RBM38: variants seen among roughly 807,000 people sequenced by gnomAD.
RBM38 encodes RNA binding motif protein 38, also known as RNA-binding protein 38.
Under a neutral mutation model 23.5 loss-of-function variants are expected in RBM38, and 11 were observed. The ratio of observed to expected loss-of-function variants is 0.47; its 90% CI spans 0.29 to 0.77. The LOEUF (loss-of-function observed/expected upper bound fraction) is 0.77, where lower values mean the gene tolerates loss of function less well. Among genes scored for constraint, RBM38 ranks in the 30% least tolerant of loss-of-function variants. The pLI is 0.08. For synonymous variants in RBM38, 165 were observed against 166.1 expected, an observed-to-expected ratio of 0.99 and a Z score of 0.05; for missense variants, 330 against 351.9, an observed-to-expected ratio of 0.94 and a Z score of 0.50.
rs896793944 is a variant in RBM38 at position 57,405,596 on chromosome 20, C to A, written c.417-1947C>A. On this transcript the variant is annotated intron_variant, in intron 3 of 3. Coordinates refer to ENST00000356208, the MANE Select transcript of RBM38 (RefSeq NM_017495.6). ...AGAGGGTGACGCAGTGTAGAAACTT[C>A]CCACACACTTCCCAGATGGGGTGGG... Among the ~76,000 whole-genome samples the A allele has an allele frequency of 2.0e-5, 3 of 152,222 alleles. No individual in the cohort carries two copies. In the South Asian group the frequency reaches 6.2e-4, roughly 31 times the overall value.
chr20:57,407,981 C>T lies in RBM38; in HGVS notation c.*135C>T, dbSNP rs771187245. The T allele has an allele frequency of 5.4e-6, 6 of 1,102,162 alleles. No homozygotes were observed. The highest frequency in any genetic ancestry group is 2.6e-5 in the East Asian group (1 of 38,526). The allele number at this position is 1,102,162 out of a possible 1,614,324, so 68.3% of individuals were successfully genotyped here. ...AGCACCCGTGCCTCCGAAGACCGCT[C>T]GGGCATTCCGCCTGCGCCCTGGGAC... On this transcript the variant is annotated 3_prime_UTR_variant, in exon 4 of 4. Transcript: ENST00000356208. This position sits in a 1 kb window ranked among gnomAD's most constrained non-coding sequence, Gnocchi z 4.0.
chr20:57,405,330 C>G (rs1490532727), intron 3 of RBM38, among the ~76,000 whole-genome samples: 1 of 152,222 alleles, frequency 6.6e-6, no homozygotes, highest in Non-Finnish European at 1.5e-5. Context: ...CGTCACAGCT[C>G]GAGAGTCAGA....
intron 3 of RBM38, among the ~76,000 whole-genome samples, chr20:57,404,372 C>T (rs1464322401): frequency 6.6e-6 from 1 of 152,278 alleles, no homozygotes; most frequent in Non-Finnish European, 1.5e-5. Flanking sequence ...ATGTCTGAGG[C>T]AGGGGCATCA....
At chr20:57,405,042 C>T (rs1284535248) in intron 3 of RBM38, among the ~76,000 whole-genome samples, 2 of 152,224 alleles carry the variant, frequency 1.3e-5, no homozygotes, top group African/African-American at 4.8e-5. Flanking sequence ...CTGGCGCCTG[C>T]CTCCGCCCTT....
chr20:57,393,110 C>A, intron 2 of RBM38, 169 bp from the exon 3 acceptor site: 1 of 714,726 alleles, frequency 1.4e-6, no homozygotes, highest in Non-Finnish European at 2.4e-6. Flanking sequence ...TGCCACACTT[C>A]AGCGGTGTGC....
chr20:57,393,947 C>T (rs1218623483), intron 3 of RBM38, among the ~76,000 whole-genome samples: 2 of 152,058 alleles, frequency 1.3e-5, no homozygotes, highest in Admixed American at 6.6e-5. Flanking sequence ...CCTCCCTGCC[C>T]TTTTTTAAAA....
At chr20:57,399,387 C>G (rs1016912629) in intron 3 of RBM38, among the ~76,000 whole-genome samples, 1 of 152,150 alleles carries the variant, frequency 6.6e-6, no homozygotes, top group African/African-American at 2.4e-5. Flanking sequence ...CCCAGTAATC[C>G]AGGCATGAGA....
At chr20:57,401,350 G>C (rs900492934) in intron 3 of RBM38, among the ~76,000 whole-genome samples, 1 of 152,212 alleles carries the variant, frequency 6.6e-6, no homozygotes, top group Non-Finnish European at 1.5e-5. Flanking sequence ...GGCTGTGCCT[G>C]TCTAGCTGTG....
intron 3 of RBM38, among the ~76,000 whole-genome samples, chr20:57,401,985 G>T (rs1349542131): frequency 6.6e-6 from 1 of 152,158 alleles, no homozygotes; most frequent in Non-Finnish European, 1.5e-5. Flanking sequence ...GTCTCGCTCT[G>T]TCTCCAGGCT....
chr20:57,397,997 A>C (rs1432589811), intron 3 of RBM38, among the ~76,000 whole-genome samples: 1 of 152,110 alleles, frequency 6.6e-6, no homozygotes, highest in Admixed American at 6.5e-5. Context: ...ACTACACATG[A>C]CATGTAAGAA....
chr20:57,401,585 C>T (rs532809874), intron 3 of RBM38, among the ~76,000 whole-genome samples: 1 of 152,350 alleles, frequency 6.6e-6, no homozygotes, highest in East Asian at 1.9e-4. Flanking sequence ...TGGGACGCAG[C>T]AGCTGAGACC....
chr20:57,395,160 T>G (rs766942436), intron 3 of RBM38, among the ~76,000 whole-genome samples: 2 of 152,202 alleles, frequency 1.3e-5, no homozygotes, highest in Non-Finnish European at 2.9e-5. Context: ...AGGATGGGAC[T>G]GAAACCATTC....
intron 3 of RBM38, among the ~76,000 whole-genome samples, chr20:57,405,614 G>A (rs754869591): frequency 6.6e-6 from 1 of 152,224 alleles, no homozygotes; most frequent in African/African-American, 2.4e-5. Flanking sequence ...CTTCCCAGAT[G>A]GGGTGGGGGG....
intron 3 of RBM38, among the ~76,000 whole-genome samples, chr20:57,405,098 G>A (rs2067368123): frequency 6.6e-6 from 1 of 152,208 alleles, no homozygotes; most frequent in African/African-American, 2.4e-5. Context: ...CTCATCATTA[G>A]GTCTCTGCAG....
intron 1 of RBM38, chr20:57,392,140 G>A: frequency 4.1e-6 from 1 of 244,226 alleles, no homozygotes; most frequent in East Asian, 1.5e-4. Flanking sequence ...TCCTGGAGCA[G>A]CGGGGGGTGA....
Position 57,392,713 on chromosome 20 carries a change from C to T in RBM38, c.297C>T (p.Ile99=), listed in dbSNP as rs2067233108. The T allele has an allele frequency of 1.2e-6, 2 of 1,612,818 alleles. No homozygotes were observed. The highest frequency in any genetic ancestry group is 2.7e-5 in the African/African-American group (2 of 74,960). The stretch of plus-strand genomic sequence containing the variant: ...CTTGCAAAGACCCGAACCCCATCAT[C>T]GACGGCCGCAAGGCCAACGTGAACC... ...ERACKDPNPI[I]DGRKANVNLA... is the part of the protein sequence containing the mutation. The change falls in exon 2 of 4, where the codon ATC becomes ATT. Residue 99 remains isoleucine, a synonymous_variant. Transcript: ENST00000356208.
chr20:57,397,460 C>T (rs180831561), intron 3 of RBM38, among the ~76,000 whole-genome samples: 1 of 152,332 alleles, frequency 6.6e-6, no homozygotes, highest in East Asian at 1.9e-4. Context: ...GTGAGACCCT[C>T]TCCCAGGCAT....
chr20:57,393,384 A>T, intron 3 of RBM38, 51 bp downstream of exon 3: 1 of 1,577,650 alleles, frequency 6.3e-7, no homozygotes, highest in Non-Finnish European at 8.7e-7. Context: ...GATGAAGTGG[A>T]GAGGGCCTTG....
chr20:57,405,836 C>G lies in RBM38; in HGVS notation c.417-1707C>G, dbSNP rs1199440455. On this transcript the variant is annotated intron_variant, in intron 3 of 3. Coordinates refer to ENST00000356208, the MANE Select transcript of RBM38 (RefSeq NM_017495.6). ...GAGCTCGCAGGGCTCCTCTCTGACA[C>G]TGAGGGTCCCTGGCTCTGGGGAGGG... Among the ~76,000 whole-genome samples the G allele has an allele frequency of 2.0e-5, 3 of 152,188 alleles. No homozygotes were observed. The South Asian group carries it at 6.2e-4, about 31-fold the overall frequency.
Sources: allele counts gnomAD v4.1 joint callset (sites outside exome capture counted in the v4.1 genomes callset), GRCh38; gene constraint gnomAD v4.1.1; non-coding constraint Gnocchi (gnomAD v3.1); transcripts MANE v1.5; gene names NCBI Gene and HGNC (gene_info 2026-07-23, HGNC 2026-07-21).